The following MED26 variants were observed in gnomAD, a reference collection of about 807,000 sequenced individuals.
The protein encoded by MED26 is mediator of RNA polymerase II transcription subunit 26.
In MED26, 7 loss-of-function variants were observed where a neutral mutation model predicts 43.7. The ratio of observed to expected loss-of-function variants is 0.16; its 90% CI spans 0.09 to 0.30. MED26 has a LOEUF of 0.30. MED26 is among the 10% of genes least tolerant of loss of function. The pLI is 1.00. For missense variants in MED26, 784 were observed against 840.6 expected, an observed-to-expected ratio of 0.93 and a Z score of 0.83; for synonymous variants, 375 against 371.1, an observed-to-expected ratio of 1.01 and a Z score of -0.12.
Position 16,576,419 on chromosome 19 carries a change from G to T in MED26, c.1411C>A (p.Pro471Thr). 3.1e-6 allele frequency: 5 copies of T among 1,614,152 alleles called. No individual in the cohort carries two copies. The highest frequency in any genetic ancestry group is 3.4e-6 in the Non-Finnish European group (4 of 1,180,034). The change falls in exon 3 of 3, where the codon CCC becomes ACC. Residue 471 changes from proline to threonine, a missense_variant. Pro to Thr is a conservative substitution (Grantham distance 38, BLOSUM62 -1). Transcript: ENST00000263390. This position sits in a 1 kb window ranked among gnomAD's most constrained non-coding sequence, Gnocchi z 6.8. ...KQEAKASLQSPFEQTNWKELS... is the reference protein window; with the variant it reads ...KQEAKASLQSTFEQTNWKELS... ...TCCTTCCAGTTCGTCTGTTCGAAGG[G>T]GCTCTGGAGGCTGGCCTTGGCCTCC...
chr19:16,604,453 A>G (rs1247776328), intron 1 of MED26, among the ~76,000 whole-genome samples: 1 of 152,222 alleles, frequency 6.6e-6, no homozygotes, highest in Non-Finnish European at 1.5e-5. Flanking sequence ...AAAGTCAGTG[A>G]GAAAAAAGGG....
intron 1 of MED26, among the ~76,000 whole-genome samples, chr19:16,602,061 A>T (rs781512024): frequency 2.3e-4 from 35 of 152,282 alleles, no homozygotes; most frequent in South Asian, 6.2e-4. Context: ...GGATGGCGGG[A>T]TACCTGTAGC....
At chr19:16,597,718 GTTTT>G (rs2086128142) in intron 1 of MED26, among the ~76,000 whole-genome samples, 1 of 152,042 alleles carries the variant, frequency 6.6e-6, no homozygotes, top group South Asian at 2.1e-4. Context: ...TCTAAGGCTG[GTTTT>G]TTGTTTGTTT....
Position 16,606,748 on chromosome 19 carries a change from G to A in MED26, c.72+21124C>T, listed in dbSNP as rs150154746. Among the ~76,000 whole-genome samples the A allele has an allele frequency of 3.0e-4, 45 of 152,282 alleles. 1 individual carries two copies. The highest frequency in any genetic ancestry group is 3.4e-3 in the Middle Eastern group (1 of 294). On this transcript the variant is annotated intron_variant, in intron 1 of 2. Coordinates refer to ENST00000263390, the MANE Select transcript of MED26 (RefSeq NM_004831.5). ...TGGGAGGGGAGTAGGCTGAGACAGG[G>A]CTGCTCGTTTCCCAGGGGAGGGGTG... is the stretch of plus-strand genomic sequence containing the variant.
At position 16,628,183 on chromosome 19, in the gene MED26, G is replaced by A. The variant is rs1179933724; in HGVS notation, c.-240C>T. 4 of 352,446 alleles carry A rather than the reference G, an allele frequency of 1.1e-5. No individual in the cohort carries two copies. The highest frequency in any genetic ancestry group is 2.2e-5 in the African/African-American group (1 of 46,434). The allele number at this position is 352,446 out of a possible 1,614,324, so 21.8% of individuals were successfully genotyped here. On this transcript the variant is annotated 5_prime_UTR_variant, in exon 1 of 3. Transcript: ENST00000263390. ...GGAGCCGCCGCCGCTCGCTGCCGCCGCCTCGAGAACCAAACTCCAGTGAGC... is the reference window on the plus strand; with the variant it reads ...GGAGCCGCCGCCGCTCGCTGCCGCCACCTCGAGAACCAAACTCCAGTGAGC...
At chr19:16,596,912 G>A (rs2086122458) in intron 1 of MED26, among the ~76,000 whole-genome samples, 2 of 152,182 alleles carry the variant, frequency 1.3e-5, no homozygotes, top group Non-Finnish European at 2.9e-5. Context: ...CAAACAAATG[G>A]CCAAGAATGA....
intron 1 of MED26, among the ~76,000 whole-genome samples, chr19:16,603,469 T>TA (rs889511985): frequency 8.6e-5 from 13 of 150,488 alleles, no homozygotes; most frequent in Non-Finnish European, 1.0e-4. Flanking sequence ...GGGCTTTTTT[T>TA]AAAAAAAAAA....
intron 1 of MED26, among the ~76,000 whole-genome samples, chr19:16,593,945 T>A (rs941291461): frequency 2.0e-5 from 3 of 152,052 alleles, no homozygotes; most frequent in African/African-American, 7.2e-5. Flanking sequence ...AATGCAGAGG[T>A]CCTGGAAGTT....
intron 1 of MED26, among the ~76,000 whole-genome samples, chr19:16,600,490 T>G (rs186059780): frequency 2.0e-5 from 3 of 152,256 alleles, no homozygotes; most frequent in Admixed American, 1.3e-4. Context: ...CTGCCAGAAT[T>G]TGACAACCCT....
At chr19:16,596,465 C>T (rs985806012) in intron 1 of MED26, among the ~76,000 whole-genome samples, 1 of 152,218 alleles carries the variant, frequency 6.6e-6, no homozygotes, top group Non-Finnish European at 1.5e-5. Context: ...CAATTGCTGA[C>T]CACAGCCTCA....
At chr19:16,581,919 T>G (rs973951734) in intron 1 of MED26, among the ~76,000 whole-genome samples, 1 of 151,954 alleles carries the variant, frequency 6.6e-6, no homozygotes, top group Non-Finnish European at 1.5e-5. Flanking sequence ...ACCTGAGGAG[T>G]AGAGGAGCCC....
At chr19:16,584,320 A>C (rs1215069730) in intron 1 of MED26, among the ~76,000 whole-genome samples, 1 of 151,124 alleles carries the variant, frequency 6.6e-6, no homozygotes, top group Non-Finnish European at 1.5e-5. Flanking sequence ...CCAAAAAAAA[A>C]CAAAAAACAA....
intron 1 of MED26, among the ~76,000 whole-genome samples, chr19:16,602,547 T>G (rs1323095781): frequency 6.6e-6 from 1 of 152,232 alleles, no homozygotes; most frequent in Non-Finnish European, 1.5e-5. Context: ...CACACCCATG[T>G]CCACAGCAGC....
chr19:16,619,369 C>T (rs1379360395), intron 1 of MED26, among the ~76,000 whole-genome samples: 2 of 152,280 alleles, frequency 1.3e-5, no homozygotes, highest in Middle Eastern at 3.4e-3. Flanking sequence ...GAGCCGTTAG[C>T]TACCATGGTA....
At chr19:16,604,218 T>C (rs1490468723) in intron 1 of MED26, among the ~76,000 whole-genome samples, 3 of 152,146 alleles carry the variant, frequency 2.0e-5, no homozygotes, top group Non-Finnish European at 2.9e-5. Context: ...TGTAGAGTGA[T>C]TGCCCTGTGT....
chr19:16,597,565 A>G (rs538224904), intron 1 of MED26: 1 of 397,620 alleles, frequency 2.5e-6, no homozygotes, highest in African/African-American at 2.1e-5. Context: ...GAAAATATGA[A>G]AGGAGGCACA....
chr19:16,626,502 G>T (rs1464621980), intron 1 of MED26, among the ~76,000 whole-genome samples: 2 of 152,120 alleles, frequency 1.3e-5, no homozygotes, highest in Non-Finnish European at 2.9e-5. Flanking sequence ...ATGTTAATGG[G>T]ACCTGAATAC....
Position 16,628,043 on chromosome 19 carries a change from G to T in MED26, c.-100C>A. On this transcript the variant is annotated 5_prime_UTR_variant, in exon 1 of 3. Coordinates refer to ENST00000263390, the MANE Select transcript of MED26 (RefSeq NM_004831.5). ...TCGCCGGCCTCCGGGAGCCGGAGCC[G>T]CATGTTCCCCGCGGCGCCGGGGGGT... 1.4e-6 allele frequency: 1 copy of T among 693,696 alleles called. No individual in the cohort carries two copies. Among genetic ancestry groups the T allele is most frequent in the Non-Finnish European group, 2.1e-6 (1 of 483,448 alleles). The allele number at this position is 693,696 out of a possible 1,614,324, so 43.0% of individuals were successfully genotyped here. A position where few individuals can be genotyped will look rare whatever the true frequency, so the allele number is the denominator to read the frequency against.
Position 16,576,757 on chromosome 19 carries a change from G to A in MED26, c.1073C>T (p.Ala358Val). The A allele has an allele frequency of 6.2e-7, 1 of 1,607,688 alleles. No individual in the cohort carries two copies. Among genetic ancestry groups the A allele is most frequent in the Non-Finnish European group, 8.5e-7 (1 of 1,179,246 alleles). Residue 358 changes from alanine (A) to valine (V), a missense_variant, in exon 3 of 3, where the codon GCA becomes GTA. Coordinates refer to ENST00000263390, the MANE Select transcript of MED26 (RefSeq NM_004831.5). The surrounding 1 kb of genome is among the most constrained non-coding windows in gnomAD (Gnocchi z 6.8). ...GAGGGGCTCGGCTGGGGACAGCCCTGCCTTGCAGCCCGGCCCCGCCAGCCG... is the reference window on the plus strand; with the variant it reads ...GAGGGGCTCGGCTGGGGACAGCCCTACCTTGCAGCCCGGCCCCGCCAGCCG... ...HQRLAGPGCK[A>V]GLSPAEPLLS...
Sources: allele counts gnomAD v4.1 joint callset (sites outside exome capture counted in the v4.1 genomes callset), GRCh38; gene constraint gnomAD v4.1.1; non-coding constraint Gnocchi (gnomAD v3.1); transcripts MANE v1.5; gene names NCBI Gene and HGNC (gene_info 2026-07-23, HGNC 2026-07-21).